The following PTPRG variants were observed in gnomAD, a reference collection of about 807,000 sequenced individuals.
The protein encoded by PTPRG is receptor-type tyrosine-protein phosphatase gamma.
In PTPRG, 102 loss-of-function variants were observed where a neutral mutation model predicts 165.3. That is an observed-to-expected ratio of 0.62 (90% confidence interval 0.53 to 0.73). PTPRG has a LOEUF of 0.73. Ranked by LOEUF, PTPRG falls within the 30% of genes least tolerant of loss-of-function variation. PTPRG has a pLI of 0.00. For synonymous variants in PTPRG, 675 were observed against 669.5 expected, an observed-to-expected ratio of 1.01 and a Z score of -0.13; for missense variants, 1,866 against 1,861.4, an observed-to-expected ratio of 1.00 and a Z score of -0.05.
At position 61,738,326 on chromosome 3, in the gene PTPRG, A is replaced by ATATGTG. The variant is rs1553657859; in HGVS notation, c.86-10549_86-10548insGTGTAT. On this transcript the variant is annotated intron_variant, in intron 1 of 29. Transcript: ENST00000474889. ...TATATATATATACATATATATATAT[A>ATATGTG]TATATATATATGTATATATATATAT... Among the ~76,000 whole-genome samples the ATATGTG allele has an allele frequency of 2.0e-4, 22 of 110,704 alleles. 3 individuals are homozygous for ATATGTG. The highest frequency in any genetic ancestry group is 4.5e-3 in the Middle Eastern group (1 of 224). 72.6% of individuals were successfully genotyped at this position (110,704 alleles called of 152,430 possible). A position where few individuals can be genotyped will look rare whatever the true frequency, so the allele number is the denominator to read the frequency against.
At chr3:62,002,523 A>G (rs976397651) in intron 3 of PTPRG, among the ~76,000 whole-genome samples, 5 of 152,166 alleles carry the variant, frequency 3.3e-5, no homozygotes, top group African/African-American at 1.2e-4. Flanking sequence ...TTCCTTTTGG[A>G]AAAATATTTT....
chr3:61,917,090 G>A (rs1393825383), intron 2 of PTPRG, among the ~76,000 whole-genome samples: 1 of 152,084 alleles, frequency 6.6e-6, no homozygotes, highest in Non-Finnish European at 1.5e-5. Context: ...TGGCAGATGC[G>A]TTTTGGGTCA....
At chr3:62,023,068 C>T (rs1200507724) in intron 4 of PTPRG, among the ~76,000 whole-genome samples, 1 of 151,946 alleles carries the variant, frequency 6.6e-6, no homozygotes, top group African/African-American at 2.4e-5. Flanking sequence ...TGCAGCTTAC[C>T]TTTACAGCTA....
chr3:61,933,444 T>C (rs965378547), intron 2 of PTPRG, among the ~76,000 whole-genome samples: 3 of 152,198 alleles, frequency 2.0e-5, no homozygotes, highest in Non-Finnish European at 4.4e-5. Context: ...AAAATAGTCA[T>C]GATGAGAGTT....
chr3:61,797,167 C>T (rs1019888077), intron 2 of PTPRG, among the ~76,000 whole-genome samples: 4 of 152,314 alleles, frequency 2.6e-5, no homozygotes, highest in Admixed American at 6.5e-5. Flanking sequence ...CTGTGAAATA[C>T]AGAAATGATG....
At chr3:62,158,847 G>T (rs2106703523) in intron 7 of PTPRG, among the ~76,000 whole-genome samples, 1 of 152,072 alleles carries the variant, frequency 6.6e-6, no homozygotes, top group Admixed American at 6.5e-5. Flanking sequence ...TTCAGAACAG[G>T]ATCTGCCAGC....
intron 1 of PTPRG, among the ~76,000 whole-genome samples, chr3:61,628,241 C>T (rs1200044973): frequency 6.6e-6 from 1 of 152,104 alleles, no homozygotes; most frequent in Non-Finnish European, 1.5e-5. Flanking sequence ...AATGTTTTCC[C>T]TCTTTCCCTT....
At chr3:62,097,042 A>C (rs1702141887) in intron 5 of PTPRG, among the ~76,000 whole-genome samples, 1 of 152,176 alleles carries the variant, frequency 6.6e-6, no homozygotes, top group Admixed American at 6.5e-5. Context: ...TTAAGTTGAC[A>C]ACATTAGCAA....
rs867520310 is a variant in PTPRG at position 62,174,045 on chromosome 3, C to T, written c.1033+5882C>T. ...CTTATTGGATTGTTCAAGGGACATC[C>T]GATTTGCCACTCTGCCCTTTGTCGG... On this transcript the variant is annotated intron_variant, in intron 8 of 29. Transcript: ENST00000474889. Among the ~76,000 whole-genome samples the T allele has an allele frequency of 6.6e-5, 10 of 152,224 alleles. No homozygotes were observed. In the South Asian group the frequency reaches 8.3e-4, roughly 13 times the overall value.
intron 2 of PTPRG, among the ~76,000 whole-genome samples, chr3:61,964,386 G>A (rs1010036496): frequency 6.6e-6 from 1 of 152,118 alleles, no homozygotes; most frequent in Non-Finnish European, 1.5e-5. Context: ...TGGACTGGGG[G>A]ACTTTCTCAG....
chr3:62,150,911 A>G (rs1162836025), intron 6 of PTPRG, among the ~76,000 whole-genome samples: 1 of 152,224 alleles, frequency 6.6e-6, no homozygotes, highest in African/African-American at 2.4e-5. Context: ...ATTCCTGATT[A>G]CTGCACAGGT....
Position 62,281,725 on chromosome 3 carries a change from G to T in PTPRG, c.3912+16G>T, listed in dbSNP as rs778892053. 34 of 1,603,194 alleles carry T rather than the reference G, an allele frequency of 2.1e-5. No individual in the cohort carries two copies. In the South Asian group the frequency reaches 3.8e-4, roughly 18 times the overall value. The stretch of plus-strand genomic sequence containing the variant: ...AGCTACACAGGTAACCTAAACCTCA[G>T]TTCCTCACTAATAGCCATACCTGGG... On this transcript the variant is annotated intron_variant, in intron 27 of 29. Transcript: ENST00000474889.
chr3:61,627,763 G>A (rs138392511), intron 1 of PTPRG, among the ~76,000 whole-genome samples: 62 of 152,312 alleles, frequency 4.1e-4, no homozygotes, highest in African/African-American at 1.4e-3. Context: ...TTTGCTGAAT[G>A]CAGTAGAAGG....
chr3:62,288,981 T>TATAACTCTATACTA (rs1702774403), intron 28 of PTPRG, among the ~76,000 whole-genome samples: 1 of 152,204 alleles, frequency 6.6e-6, no homozygotes, highest in African/African-American at 2.4e-5. Context: ...TTTAAGACTT[T>TATAACTCTATACTA]ATAACTCTAT....
rs570590059 is a variant in PTPRG at position 62,245,845 on chromosome 3, A to G, written c.2467+1947A>G. Among the ~76,000 whole-genome samples the G allele has an allele frequency of 1.3e-5, 2 of 152,218 alleles. No homozygotes were observed. Among genetic ancestry groups the G allele is most frequent in the East Asian group, 3.9e-4 (2 of 5,162 alleles). On this transcript the variant is annotated intron_variant, in intron 15 of 29. Coordinates refer to ENST00000474889, the MANE Select transcript of PTPRG (RefSeq NM_002841.4). This position sits in a 1 kb window ranked among gnomAD's most constrained non-coding sequence, Gnocchi z 4.2. The stretch of plus-strand genomic sequence containing the variant: ...AAAATTGTGTCCCTGACACCGAACT[A>G]CATCCACTAGGTGTGCCCTACCTTG...
intron 1 of PTPRG, among the ~76,000 whole-genome samples, chr3:61,595,184 T>G (rs1700669722): frequency 6.6e-6 from 1 of 150,406 alleles, no homozygotes; most frequent in Admixed American, 6.6e-5. Flanking sequence ...AAGATGTGTT[T>G]GTTTTTTTTT....
rs7650104 is a variant in PTPRG at position 62,195,079 on chromosome 3, T to G, written c.1236T>G (p.His412Gln). ...SDKDLKATIS[H>Q]VSPDSLYLFR... ...ACTTACAGAAAGCCACCATTAGCCA[T>G]GTCTCACCCGATAGCCTTTACCTGT... The change falls in exon 10 of 30, where the codon CAT becomes CAG. Residue 412 changes from histidine to glutamine, a missense_variant. Physicochemically the swap from His to Gln is conservative, Grantham distance 24. This residue lies in a region of PTPRG where 1,452 missense variants were observed against 1,463.0 expected (regional missense o/e 0.99). Transcript: ENST00000474889. This position sits in a 1 kb window ranked among gnomAD's most constrained non-coding sequence, Gnocchi z 4.4. 1.9e-6 allele frequency: 3 copies of G among 1,614,054 alleles called. No individual in the cohort carries two copies. Among genetic ancestry groups the G allele is most frequent in the Non-Finnish European group, 2.5e-6 (3 of 1,180,022 alleles).
Position 62,009,379 on chromosome 3 carries a change from C to G in PTPRG, c.519+5882C>G, listed in dbSNP as rs149076743. 4.8e-3 allele frequency among the ~76,000 whole-genome samples: 724 copies of G among 152,276 alleles called. 7 individuals carry two copies. Among genetic ancestry groups the G allele is most frequent in the African/African-American group, 0.016 (649 of 41,556 alleles). On this transcript the variant is annotated intron_variant, in intron 4 of 29. Coordinates refer to ENST00000474889, the MANE Select transcript of PTPRG (RefSeq NM_002841.4). ...TTCAGGATTGTCCAGCCAGAAGTTT[C>G]TAGTTTTAGGCTGACCTTGTTCTGT...
chr3:61,599,384 G>A (rs1409110247), intron 1 of PTPRG, among the ~76,000 whole-genome samples: 1 of 152,214 alleles, frequency 6.6e-6, no homozygotes. Flanking sequence ...CTGACATCAA[G>A]TGATGTACCT....
Sources: allele counts gnomAD v4.1 joint callset (sites outside exome capture counted in the v4.1 genomes callset), GRCh38; gene constraint gnomAD v4.1.1; regional missense constraint gnomAD v4.1.1; non-coding constraint Gnocchi (gnomAD v3.1); transcripts MANE v1.5; gene names NCBI Gene and HGNC (gene_info 2026-07-23, HGNC 2026-07-21).